The following IL1RL2 variants were observed in gnomAD, a reference collection of about 807,000 sequenced individuals.
IL1RL2 encodes the protein interleukin 1 receptor like 2.
Under a neutral mutation model 66.8 loss-of-function variants are expected in IL1RL2, and 68 were observed. That is an observed-to-expected ratio of 1.02 (90% CI 0.84 to 1.25). The LOEUF is 1.25. Ranked by LOEUF, IL1RL2 falls within the 50% of genes most tolerant of loss-of-function variation. IL1RL2 has a pLI of 0.00. For synonymous variants in IL1RL2, 305 were observed against 264.6 expected, an observed-to-expected ratio of 1.15 and a Z score of -1.48; for missense variants, 729 against 709.3, an observed-to-expected ratio of 1.03 and a Z score of -0.32.
intron 2 of IL1RL2, 96 bp downstream of exon 2, chr2:102,188,021 G>C: frequency 7.9e-7 from 1 of 1,263,580 alleles, no homozygotes; most frequent in Non-Finnish European, 1.2e-6. Context: ...CAGCCCGAGC[G>C]CGGCTCCTTC....
chr2:102,194,042 A>C (rs2104721303), intron 4 of IL1RL2, among the ~76,000 whole-genome samples: 1 of 152,286 alleles, frequency 6.6e-6, no homozygotes, highest in South Asian at 2.1e-4. Context: ...GAAAGTGAAC[A>C]TACCTTTTAA....
chr2:102,221,648 T>C (rs1690143222), intron 8 of IL1RL2, among the ~76,000 whole-genome samples: 1 of 150,708 alleles, frequency 6.6e-6, no homozygotes, highest in East Asian at 2.0e-4. Context: ...AGCTGGATGG[T>C]AGGGTGACTC....
chr2:102,187,504 T>TG (rs533074733), intron 1 of IL1RL2, among the ~76,000 whole-genome samples: 1 of 152,154 alleles, frequency 6.6e-6, no homozygotes, highest in South Asian at 2.1e-4. Context: ...CAGGCTGCGC[T>TG]GGGGGGCGCC....
At chr2:102,210,468 G>T (rs1419812131) in intron 5 of IL1RL2, among the ~76,000 whole-genome samples, 1 of 152,190 alleles carries the variant, frequency 6.6e-6, no homozygotes, top group Non-Finnish European at 1.5e-5. Context: ...GCTGTGCACA[G>T]AATGATCCAT....
At chr2:102,187,410 G>C in intron 1 of IL1RL2, 1 of 1,134,652 alleles carries the variant, frequency 8.8e-7, no homozygotes, top group Non-Finnish European at 1.1e-6. Flanking sequence ...GCCAGGCTCG[G>C]GTGGATCCCG....
chr2:102,187,401 C>G (rs1686774265), intron 1 of IL1RL2: 1 of 1,139,956 alleles, frequency 8.8e-7, no homozygotes, highest in African/African-American at 1.6e-5. Context: ...GTTTAGACCG[C>G]CAGGCTCGGG....
At chr2:102,235,732 C>A (rs765234391) in intron 11 of IL1RL2, 1 of 985,274 alleles carries the variant, frequency 1.0e-6, no homozygotes, top group African/African-American at 1.7e-5. Flanking sequence ...TATTTGTCCA[C>A]GCCTGTCCAG....
In IL1RL2 at chr2:102,239,711, G is replaced by T; in HGVS notation, c.*470G>T. 5.6e-6 allele frequency: 1 copy of T among 180,116 alleles called. No homozygotes were observed. Among genetic ancestry groups the T allele is most frequent in the Non-Finnish European group, 1.2e-5 (1 of 82,740 alleles). 11.2% of individuals were successfully genotyped at this position (180,116 alleles called of 1,614,324 possible). ...CCATGTCATGGTGGGCGAGATCTGG[G>T]GGGTATCCCCACGTCATGGTGGATG... is the stretch of plus-strand genomic sequence containing the variant. On this transcript the variant is annotated 3_prime_UTR_variant, in exon 12 of 12. Coordinates refer to ENST00000264257, the MANE Select transcript of IL1RL2 (RefSeq NM_003854.4).
rs1687493607 is a variant in IL1RL2, at chr2:102,194,513, G to A, written c.489+2393G>A. Among the ~76,000 whole-genome samples, 4 of 152,068 alleles carry A rather than the reference G, an allele frequency of 2.6e-5. No individual in the cohort carries two copies. The South Asian group carries it at 8.3e-4, about 32-fold the overall frequency. ...ATGCCAAACCATTTTCCAAAGTGGTGCCAATTAACAGTTCCAGCAGCAGTG... is the reference window on the plus strand; with the variant it reads ...ATGCCAAACCATTTTCCAAAGTGGTACCAATTAACAGTTCCAGCAGCAGTG... On this transcript the variant is annotated intron_variant, in intron 4 of 11. Transcript: ENST00000264257.
chr2:102,239,497 G>A lies in IL1RL2; in HGVS notation c.*256G>A. The A allele has an allele frequency of 2.4e-6, 1 of 418,170 alleles. No homozygotes were observed. Among genetic ancestry groups the A allele is most frequent in the South Asian group, 2.5e-5 (1 of 39,450 alleles). The allele number at this position is 418,170 out of a possible 1,614,324, so 25.9% of individuals were successfully genotyped here. A position where few individuals can be genotyped will look rare whatever the true frequency, so the allele number is the denominator to read the frequency against. On this transcript the variant is annotated 3_prime_UTR_variant, in exon 12 of 12. Coordinates refer to ENST00000264257, the MANE Select transcript of IL1RL2 (RefSeq NM_003854.4). ...TTATCCCCATGGTCATGGAGGGTGAGGGCTGGTCGGGGGAGGCATCCCCAA... is the reference window on the plus strand; with the variant it reads ...TTATCCCCATGGTCATGGAGGGTGAAGGCTGGTCGGGGGAGGCATCCCCAA...
intron 3 of IL1RL2, 116 bp from the exon 4 acceptor site, chr2:102,191,809 G>A: frequency 2.9e-6 from 2 of 681,070 alleles, no homozygotes; most frequent in Non-Finnish European, 5.0e-6. Context: ...CTTTGTTAGA[G>A]GCAGAGGGTT....
At chr2:102,208,522 T>A (rs1224481524) in intron 5 of IL1RL2, among the ~76,000 whole-genome samples, 1 of 152,246 alleles carries the variant, frequency 6.6e-6, no homozygotes, top group Non-Finnish European at 1.5e-5. Flanking sequence ...TATTTACTCA[T>A]CTAGATGAGA....
chr2:102,237,055 T>C (rs1377298341), intron 11 of IL1RL2, among the ~76,000 whole-genome samples: 2 of 152,202 alleles, frequency 1.3e-5, no homozygotes, highest in Non-Finnish European at 2.9e-5. Flanking sequence ...TGGTCATTCA[T>C]TTATAAATAA....
intron 3 of IL1RL2, among the ~76,000 whole-genome samples, chr2:102,190,322 C>T (rs1269220580): frequency 6.6e-6 from 1 of 152,214 alleles, no homozygotes; most frequent in East Asian, 1.9e-4. Context: ...GGCCCAATTT[C>T]GTGACTTTCC....
intron 9 of IL1RL2, among the ~76,000 whole-genome samples, chr2:102,232,301 CAG>C (rs1691208319): frequency 6.6e-6 from 1 of 151,854 alleles, no homozygotes; most frequent in African/African-American, 2.4e-5. Context: ...TTAGTAGTGA[CAG>C]GGTTTCACCA....
chr2:102,187,149 G>T, intron 1 of IL1RL2, 63 bp downstream of exon 1: 1 of 1,276,218 alleles, frequency 7.8e-7, no homozygotes, highest in Non-Finnish European at 1.0e-6. Context: ...AGTAGGAGAG[G>T]TGTGCAGGAA....
chr2:102,219,818 G>C, intron 7 of IL1RL2, 63 bp from the exon 8 acceptor site: 2 of 1,459,638 alleles, frequency 1.4e-6, no homozygotes, highest in Non-Finnish European at 1.9e-6. Flanking sequence ...CCAGAAAACA[G>C]ATTATAAAAT....
At chr2:102,220,826 C>G (rs1690055955) in intron 8 of IL1RL2, among the ~76,000 whole-genome samples, 2 of 152,210 alleles carry the variant, frequency 1.3e-5, no homozygotes, top group African/African-American at 4.8e-5. Flanking sequence ...AAATATTTTT[C>G]TAGAACCTAA....
At chr2:102,221,138 C>T (rs12992518) in intron 8 of IL1RL2, among the ~76,000 whole-genome samples, 7,535 of 152,228 alleles carry the variant, frequency 0.049, 214 homozygotes, top group Middle Eastern at 0.15. Context: ...CATCTGTCAC[C>T]ACTGCCCATT....
Sources: allele counts gnomAD v4.1 joint callset (sites outside exome capture counted in the v4.1 genomes callset), GRCh38; gene constraint gnomAD v4.1.1; transcripts MANE v1.5; gene names NCBI Gene and HGNC (gene_info 2026-07-23, HGNC 2026-07-21).